Variants in WWOX observed in about 807,000 individuals in gnomAD.
WWOX encodes WW domain containing oxidoreductase.
Under a neutral mutation model 46.2 loss-of-function variants are expected in WWOX, and 69 were observed. The ratio of observed to expected loss-of-function variants is 1.49; its 90% CI spans 1.23 to 1.82. The LOEUF is 1.82. Ranked by LOEUF, WWOX falls within the 40% of genes most tolerant of loss-of-function variation. The pLI, the probability that WWOX is intolerant of heterozygous loss-of-function variation, is 0.00. For missense variants in WWOX, 919 were observed against 542.6 expected, an observed-to-expected ratio of 1.69 and a Z score of -6.89; for synonymous variants, 359 against 202.6, an observed-to-expected ratio of 1.77 and a Z score of -6.56.
chr16:78,103,349 C>A (rs1449234962), intron 1 of WWOX, among the ~76,000 whole-genome samples: 1 of 151,274 alleles, frequency 6.6e-6, no homozygotes, highest in Non-Finnish European at 1.5e-5. Flanking sequence ...TGGTGACTTG[C>A]TGCACTTGTC....
intron 4 of WWOX, among the ~76,000 whole-genome samples, chr16:78,162,121 A>C (rs972416219): frequency 6.6e-6 from 1 of 152,134 alleles, no homozygotes; most frequent in Admixed American, 6.5e-5. Flanking sequence ...GTGGGTCTAT[A>C]CGTGACACTA....
Position 78,731,022 on chromosome 16 carries a change from C to T in WWOX, c.1056+298270C>T, listed in dbSNP as rs140213210. ...TGCAGAGCCATTGATATTGATGTTA[C>T]CGTACTATCCAACACATTATGTTTA... On this transcript the variant is annotated intron_variant, in intron 8 of 8. Coordinates refer to ENST00000566780, the MANE Select transcript of WWOX (RefSeq NM_016373.4). Among the ~76,000 whole-genome samples, 534 of 152,182 alleles carry T rather than the reference C, an allele frequency of 3.5e-3. 6 individuals carry two copies. Among genetic ancestry groups the T allele is most frequent in the African/African-American group, 0.012 (505 of 41,514 alleles).
intron 8 of WWOX, among the ~76,000 whole-genome samples, chr16:78,725,835 G>C (rs997316208): frequency 1.3e-5 from 2 of 151,946 alleles, no homozygotes; most frequent in Non-Finnish European, 2.9e-5. Context: ...GTGTTCCTTG[G>C]CTTGTAGGTG....
chr16:78,895,091 A>G (rs113033576), intron 8 of WWOX, among the ~76,000 whole-genome samples: 24 of 152,278 alleles, frequency 1.6e-4, no homozygotes, highest in African/African-American at 2.9e-4. Flanking sequence ...TCTGCCTTCA[A>G]TGTTTCCATG....
At position 78,575,056 on chromosome 16, in the gene WWOX, T is replaced by A. The variant is rs1339965472; in HGVS notation, c.1056+142304T>A. 3.2e-3 allele frequency among the ~76,000 whole-genome samples: 53 copies of A among 16,438 alleles called. No individual in the cohort carries two copies. In the East Asian group the frequency reaches 0.034, roughly 10 times the overall value. 10.8% of individuals were successfully genotyped at this position (16,438 alleles called of 152,430 possible). On this transcript the variant is annotated intron_variant, in intron 8 of 8. Transcript: ENST00000566780. ...ATATATATATATATATATATATATA[T>A]ATATATATATATATATATATATATA...
intron 8 of WWOX, among the ~76,000 whole-genome samples, chr16:78,978,632 A>C (rs563514811): frequency 7.2e-4 from 109 of 152,296 alleles, no homozygotes; most frequent in Non-Finnish European, 1.1e-3. Flanking sequence ...GCGCCTCAGG[A>C]AACTTATAAT....
chr16:78,641,452 G>C (rs2046708935), intron 8 of WWOX, among the ~76,000 whole-genome samples: 2 of 152,090 alleles, frequency 1.3e-5, no homozygotes, highest in Non-Finnish European at 2.9e-5. Context: ...AGCAGCAGGA[G>C]TGGGAACCTC....
chr16:78,456,919 C>A (rs534262685), intron 8 of WWOX, among the ~76,000 whole-genome samples: 1 of 152,226 alleles, frequency 6.6e-6, no homozygotes, highest in Non-Finnish European at 1.5e-5. Context: ...GCTGATCACC[C>A]TTATGAAGAG....
chr16:78,314,526 GTTTT>G, intron 5 of WWOX, among the ~76,000 whole-genome samples: 1 of 132,926 alleles, frequency 7.5e-6, no homozygotes, highest in African/African-American at 2.8e-5. Flanking sequence ...AATTTGTGGG[GTTTT>G]TTTTTTTTTT....
At chr16:78,747,903 G>C (rs1241109402) in intron 8 of WWOX, among the ~76,000 whole-genome samples, 2 of 152,124 alleles carry the variant, frequency 1.3e-5, no homozygotes, top group East Asian at 3.9e-4. Flanking sequence ...GGAGGGGCAT[G>C]CTCTTGGATG....
chr16:78,657,515 G>T (rs1291863603), intron 8 of WWOX, among the ~76,000 whole-genome samples: 1 of 152,210 alleles, frequency 6.6e-6, no homozygotes, highest in African/African-American at 2.4e-5. Flanking sequence ...GAACACAGAA[G>T]AATCAGCAGA....
intron 8 of WWOX, chr16:78,899,658 A>T (rs1303851179): frequency 6.6e-6 from 1 of 152,214 alleles, no homozygotes; most frequent in Non-Finnish European, 1.5e-5. Flanking sequence ...TGGTGAGTTG[A>T]TCTTGTAAGA....
At chr16:78,168,126 G>C (rs1441251694) in intron 5 of WWOX, 1 of 152,280 alleles carries the variant, frequency 6.6e-6, no homozygotes, top group East Asian at 1.9e-4. Context: ...AAGTCTTTGG[G>C]CCATTTGGCT....
At chr16:78,964,044 C>G (rs1003375698) in intron 8 of WWOX, among the ~76,000 whole-genome samples, 1 of 152,202 alleles carries the variant, frequency 6.6e-6, no homozygotes, top group African/African-American at 2.4e-5. Flanking sequence ...CCATGTAGAA[C>G]TGTAAGCCTG....
Position 78,400,930 on chromosome 16 carries a change from C to A in WWOX, c.605+13982C>A, listed in dbSNP as rs1225629745. ...CCTCAGCCACCAGGGTTCAAGTGATCCTTCCACTCAGCCTCCTGAGTAGTT... is the reference window on the plus strand; with the variant it reads ...CCTCAGCCACCAGGGTTCAAGTGATACTTCCACTCAGCCTCCTGAGTAGTT... On this transcript the variant is annotated intron_variant, in intron 6 of 8. Coordinates refer to ENST00000566780, the MANE Select transcript of WWOX (RefSeq NM_016373.4). 3.9e-5 allele frequency among the ~76,000 whole-genome samples: 6 copies of A among 152,342 alleles called. No homozygotes were observed. In the East Asian group the frequency reaches 5.8e-4, roughly 15 times the overall value.
chr16:79,201,044 A>T (rs1222558764), intron 8 of WWOX, among the ~76,000 whole-genome samples: 1 of 152,162 alleles, frequency 6.6e-6, no homozygotes, highest in Non-Finnish European at 1.5e-5. Context: ...CATCCTTCCA[A>T]GAAACACATG....
At chr16:78,504,900 CATTA>C (rs2085155617) in intron 8 of WWOX, among the ~76,000 whole-genome samples, 1 of 152,090 alleles carries the variant, frequency 6.6e-6, no homozygotes, top group Non-Finnish European at 1.5e-5. Context: ...ACCAAACCCA[CATTA>C]ATTAATATAA....
chr16:78,866,452 G>C (rs758447572), intron 8 of WWOX, among the ~76,000 whole-genome samples: 1 of 150,440 alleles, frequency 6.6e-6, no homozygotes, highest in Non-Finnish European at 1.5e-5. Flanking sequence ...TTTTTTTCTT[G>C]CATATCAGCT....
intron 8 of WWOX, chr16:79,206,837 A>G (rs537870352): frequency 3.9e-5 from 6 of 152,304 alleles, no homozygotes; most frequent in Admixed American, 2.0e-4. Flanking sequence ...ATTCCTGTAT[A>G]GGCTGCATTA....
Sources: gnomAD v4.1 joint callset for allele counts (sites outside exome capture counted in the v4.1 genomes callset) on GRCh38, gnomAD v4.1.1 for gene constraint, MANE v1.5 for transcripts, NCBI Gene and HGNC (gene_info 2026-07-23, HGNC 2026-07-21) for gene names.